Variants in PDE4D observed in about 807,000 individuals in gnomAD.
The protein encoded by PDE4D is 3',5'-cyclic-AMP phosphodiesterase 4D.
In PDE4D, 24 loss-of-function variants were observed where a neutral mutation model predicts 87.4. The observed-to-expected ratio is 0.27, with a 90% CI of 0.20 to 0.39. The LOEUF (loss-of-function observed/expected upper bound fraction) is 0.39. Ranked by LOEUF, PDE4D falls within the 10% of genes least tolerant of loss-of-function variation. The pLI, the probability that PDE4D is intolerant of heterozygous loss-of-function variation, is 1.00. For missense variants in PDE4D, 714 were observed against 1,041.0 expected (o/e 0.69, Z 4.32); for synonymous variants, 384 against 383.2 (o/e 1.00, Z -0.02).
At chr5:59,236,287 C>T (rs538136676) in intron 1 of PDE4D, among the ~76,000 whole-genome samples, 2 of 152,284 alleles carry the variant, frequency 1.3e-5, no homozygotes, top group Admixed American at 6.5e-5. Context: ...TGAGTTCTGA[C>T]CCCGCTACTA....
chr5:60,435,267 A>G (rs1019530596), intron 1 of PDE4D, among the ~76,000 whole-genome samples: 1 of 152,096 alleles, frequency 6.6e-6, no homozygotes, highest in Non-Finnish European at 1.5e-5. Context: ...TCTTTGGCAC[A>G]AAAAGCATTT....
At chr5:59,819,360 T>A (rs1232921808) in intron 1 of PDE4D, among the ~76,000 whole-genome samples, 2 of 152,202 alleles carry the variant, frequency 1.3e-5, no homozygotes, top group South Asian at 4.1e-4. Context: ...TCTTGCATGT[T>A]TTCTTCAAAA....
At chr5:59,323,270 G>A (rs951172344) in intron 1 of PDE4D, among the ~76,000 whole-genome samples, 9 of 151,982 alleles carry the variant, frequency 5.9e-5, no homozygotes, top group Non-Finnish European at 7.4e-5. Flanking sequence ...TGAGAGAGAG[G>A]CAATTTCTTC....
chr5:59,944,753 T>A (rs1233054465), intron 3 of PDE4D, among the ~76,000 whole-genome samples: 1 of 152,200 alleles, frequency 6.6e-6, no homozygotes, highest in Admixed American at 6.5e-5. Context: ...TAACCCCTCA[T>A]GGACTTGAGG....
chr5:59,192,839 T>C (rs1392292980), intron 3 of PDE4D, among the ~76,000 whole-genome samples: 3 of 152,170 alleles, frequency 2.0e-5, no homozygotes, highest in Non-Finnish European at 4.4e-5. Context: ...AATTTTTGGA[T>C]TTAATTGACC....
At chr5:60,282,225 A>G (rs1030473713) in intron 1 of PDE4D, among the ~76,000 whole-genome samples, 5 of 146,656 alleles carry the variant, frequency 3.4e-5, no homozygotes, top group Non-Finnish European at 7.5e-5. Flanking sequence ...ATATATATAT[A>G]TATATATATA....
chr5:59,506,007 A>AT (rs571842086), intron 1 of PDE4D, among the ~76,000 whole-genome samples: 1 of 151,992 alleles, frequency 6.6e-6, no homozygotes, highest in Non-Finnish European at 1.5e-5. Context: ...AATGCTTTTA[A>AT]TTTTTTTTCA....
At chr5:60,344,440 T>A (rs1334540156) in intron 1 of PDE4D, among the ~76,000 whole-genome samples, 1 of 152,100 alleles carries the variant, frequency 6.6e-6, no homozygotes, top group Non-Finnish European at 1.5e-5. Context: ...TAGGTATCAA[T>A]CTCTTATAGA....
chr5:59,576,674 T>C (rs1038938478), intron 1 of PDE4D, among the ~76,000 whole-genome samples: 37 of 152,262 alleles, frequency 2.4e-4, no homozygotes, highest in African/African-American at 8.9e-4. Context: ...TCTCAAAGGC[T>C]AGCTTGGTCT....
chr5:60,396,878 A>T (rs138618376), intron 1 of PDE4D, among the ~76,000 whole-genome samples: 56 of 152,348 alleles, frequency 3.7e-4, no homozygotes, highest in Admixed American at 7.2e-4. Flanking sequence ...TAAAGCCTTC[A>T]ACAGCCAAAT....
At chr5:59,068,476 G>A (rs1764261045) in intron 5 of PDE4D, among the ~76,000 whole-genome samples, 1 of 152,124 alleles carries the variant, frequency 6.6e-6, no homozygotes, top group Admixed American at 6.6e-5. Context: ...ATTCAGTGAT[G>A]AGCAAAGCAT....
Position 59,276,122 on chromosome 5 carries a change from GAAAAAAAAA to G in PDE4D, c.456-60163_456-60155del, listed in dbSNP as rs56153175. 315 of 854,544 alleles carry G rather than the reference GAAAAAAAAA, an allele frequency of 3.7e-4. 1 individual carries two copies. The African/African-American group carries it at 6.6e-3, about 18-fold the overall frequency. 52.9% of individuals were successfully genotyped at this position (854,544 alleles called of 1,614,324 possible). ...AAAACACCGCAGGGCAGTGAGAAAG[GAAAAAAAAA>G]AAAAAAAAAAAAGAAAAGCCCAGCG... On this transcript the variant is annotated intron_variant, in intron 1 of 14. Coordinates refer to ENST00000340635, the MANE Select transcript of PDE4D (RefSeq NM_001104631.2).
intron 1 of PDE4D, among the ~76,000 whole-genome samples, chr5:59,344,756 T>C (rs1779352181): frequency 6.6e-6 from 1 of 152,204 alleles, no homozygotes; most frequent in African/African-American, 2.4e-5. Flanking sequence ...AAGTGATATA[T>C]TGTTTCACAT....
intron 3 of PDE4D, among the ~76,000 whole-genome samples, chr5:59,966,619 C>T (rs1760086142): frequency 6.6e-6 from 1 of 152,274 alleles, no homozygotes; most frequent in African/African-American, 2.4e-5. Context: ...AGAAATGGTA[C>T]AGATGTTTCA....
chr5:59,447,561 T>G (rs921342755), intron 1 of PDE4D, among the ~76,000 whole-genome samples: 5 of 152,174 alleles, frequency 3.3e-5, no homozygotes, highest in African/African-American at 1.2e-4. Context: ...GATAGATGTA[T>G]GGGCTTTTAA....
At chr5:60,493,466 C>T (rs983235879) in intron 1 of PDE4D, among the ~76,000 whole-genome samples, 1 of 152,128 alleles carries the variant, frequency 6.6e-6, no homozygotes, top group Non-Finnish European at 1.5e-5. Context: ...TTTCTCAGAG[C>T]AAGAGAATAT....
chr5:59,688,383 T>G (rs956242031), intron 1 of PDE4D, among the ~76,000 whole-genome samples: 5 of 152,182 alleles, frequency 3.3e-5, no homozygotes, highest in African/African-American at 1.2e-4. Context: ...CAGACCACAG[T>G]GCAATCAAAC....
At chr5:59,595,192 C>T (rs996426236) in intron 1 of PDE4D, among the ~76,000 whole-genome samples, 1 of 152,018 alleles carries the variant, frequency 6.6e-6, no homozygotes, top group African/African-American at 2.4e-5. Flanking sequence ...TTGCTTGAAG[C>T]AAAGATGTAA....
chr5:60,394,753 T>C (rs1762775905), intron 1 of PDE4D, among the ~76,000 whole-genome samples: 2 of 152,230 alleles, frequency 1.3e-5, no homozygotes, highest in African/African-American at 4.8e-5. Flanking sequence ...AATTACAATT[T>C]ATAACTTGTC....
Sources: allele counts gnomAD v4.1 joint callset (sites outside exome capture counted in the v4.1 genomes callset), GRCh38; gene constraint gnomAD v4.1.1; transcripts MANE v1.5; gene names NCBI Gene and HGNC (gene_info 2026-07-23, HGNC 2026-07-21).